Variants in AVEN observed in about 807,000 individuals in gnomAD.
AVEN encodes the protein apoptosis and caspase activation inhibitor, also known as cell death regulator Aven.
In AVEN, 41 loss-of-function variants were observed where a neutral mutation model predicts 38.1. That is an observed-to-expected ratio of 1.08 (90% CI 0.84 to 1.40). The LOEUF (loss-of-function observed/expected upper bound fraction) is 1.40. Among genes scored for constraint, AVEN ranks in the 40% most tolerant of loss-of-function variants. AVEN has a pLI of 0.00. For missense variants in AVEN, 605 were observed against 438.8 expected (o/e 1.38, Z -3.38); for synonymous variants, 206 against 171.8 (o/e 1.20, Z -1.56).
At chr15:33,888,949 C>A (rs1470665703) in intron 2 of AVEN, among the ~76,000 whole-genome samples, 1 of 152,058 alleles carries the variant, frequency 6.6e-6, no homozygotes, top group East Asian at 1.9e-4. Flanking sequence ...ATTTCTTGAC[C>A]TCGTGATCCA....
chr15:34,062,653 A>T, intron 5 of AVEN: 2 of 1,486,082 alleles, frequency 1.3e-6, no homozygotes, highest in Non-Finnish European at 1.8e-6. Flanking sequence ...ATGCTGGCCA[A>T]GAAGAGCTGA....
At chr15:33,877,873 C>T (rs937461049) in intron 2 of AVEN, among the ~76,000 whole-genome samples, 1 of 152,088 alleles carries the variant, frequency 6.6e-6, no homozygotes, top group African/African-American at 2.4e-5. Flanking sequence ...TGCTTAAACC[C>T]GGGAGGCGGA....
At chr15:34,018,738 G>C (rs565747865) in intron 1 of AVEN, among the ~76,000 whole-genome samples, 1 of 152,186 alleles carries the variant, frequency 6.6e-6, no homozygotes, top group Admixed American at 6.5e-5. Context: ...CCCTGCCCAC[G>C]TCCTACTGAT....
At chr15:33,873,541 T>C (rs1163627530) in intron 3 of AVEN, among the ~76,000 whole-genome samples, 2 of 148,166 alleles carry the variant, frequency 1.3e-5, no homozygotes, top group East Asian at 3.9e-4. Flanking sequence ...ATTATATATA[T>C]GCACTCAATA....
chr15:33,948,204 T>C (rs189292116), intron 2 of AVEN, among the ~76,000 whole-genome samples: 1 of 151,804 alleles, frequency 6.6e-6, no homozygotes, highest in East Asian at 1.9e-4. Flanking sequence ...TTCAAGCAAT[T>C]CTCTGCCTCG....
At chr15:34,038,272 T>A (rs1045625447) in intron 1 of AVEN, among the ~76,000 whole-genome samples, 1 of 152,152 alleles carries the variant, frequency 6.6e-6, no homozygotes, top group Non-Finnish European at 1.5e-5. Context: ...ATTCTTTCAC[T>A]CAACAAACTT....
chr15:33,938,318 G>A (rs1402063205), intron 2 of AVEN, among the ~76,000 whole-genome samples: 1 of 152,064 alleles, frequency 6.6e-6, no homozygotes, highest in African/African-American at 2.4e-5. Context: ...AGCCGGGCGT[G>A]GTGGTGGGCA....
intron 2 of AVEN, among the ~76,000 whole-genome samples, chr15:33,982,392 T>C (rs965942835): frequency 1.3e-5 from 2 of 152,074 alleles, no homozygotes; most frequent in Non-Finnish European, 2.9e-5. Flanking sequence ...CCAAATGCTA[T>C]GCTCTGCCAA....
At chr15:33,938,359 G>T (rs938081594) in intron 2 of AVEN, among the ~76,000 whole-genome samples, 1 of 152,238 alleles carries the variant, frequency 6.6e-6, no homozygotes, top group East Asian at 1.9e-4. Flanking sequence ...GGAGGCTGAG[G>T]CAGGAGAATG....
At chr15:34,073,738 C>A (rs1900678304) in intron 1 of AVEN, among the ~76,000 whole-genome samples, 1 of 150,952 alleles carries the variant, frequency 6.6e-6, no homozygotes, top group South Asian at 2.1e-4. Flanking sequence ...CCAGGCTGGT[C>A]TTGAACTCCT....
chr15:33,892,859 G>A (rs1258650797), intron 2 of AVEN, among the ~76,000 whole-genome samples: 2 of 152,214 alleles, frequency 1.3e-5, no homozygotes, highest in African/African-American at 4.8e-5. Context: ...CCGTGGGCAT[G>A]GAACGTTCCT....
intron 5 of AVEN, among the ~76,000 whole-genome samples, chr15:34,050,532 C>A (rs1899895134): frequency 6.6e-6 from 1 of 152,070 alleles, no homozygotes; most frequent in African/African-American, 2.4e-5. Context: ...AGGCTAAATG[C>A]CCCAATTAAA....
At chr15:33,892,430 C>T (rs148837473) in intron 2 of AVEN, among the ~76,000 whole-genome samples, 124,580 of 152,050 alleles carry the variant, frequency 0.82, 55,139 homozygotes, top group Non-Finnish European at 0.98. Flanking sequence ...GATCCAGTTT[C>T]AGCTTTCTAC....
chr15:34,003,042 AAGG>A lies in AVEN; in HGVS notation c.432_434del (p.Leu145del). On this transcript the variant is annotated inframe_deletion, in exon 2 of 6. Coordinates refer to ENST00000306730, the MANE Select transcript of AVEN (RefSeq NM_020371.3). The stretch of plus-strand genomic sequence containing the variant: ...AACTGGAATTCATACCTGCAGAGCT[AAGG>A]AGGACACTGAAATCTGTTCCCCTCT... 6.2e-7 allele frequency: 1 copy of A among 1,613,638 alleles called. No individual in the cohort carries two copies. The highest frequency in any genetic ancestry group is 8.5e-7 in the Non-Finnish European group (1 of 1,179,740).
At chr15:33,955,480 C>T (rs1010092293) in intron 2 of AVEN, among the ~76,000 whole-genome samples, 3 of 152,154 alleles carry the variant, frequency 2.0e-5, no homozygotes, top group Non-Finnish European at 4.4e-5. Flanking sequence ...ATGTACCACA[C>T]AGAATTATAA....
chr15:34,031,635 AT>A (rs200508300), intron 1 of AVEN, among the ~76,000 whole-genome samples: 3 of 151,276 alleles, frequency 2.0e-5, no homozygotes, highest in Non-Finnish European at 4.4e-5. Context: ...TTAATCTCCT[AT>A]TTTTTTTTGG....
intron 4 of AVEN, chr15:34,065,885 T>C (rs543624): frequency 0.47 from 72,052 of 151,946 alleles, 20,632 homozygotes; most frequent in Non-Finnish European, 0.65. Context: ...TTCATGCGTC[T>C]TAGTGTAGGC....
chr15:34,023,039 T>C (rs926241974), intron 1 of AVEN, among the ~76,000 whole-genome samples: 1 of 152,136 alleles, frequency 6.6e-6, no homozygotes, highest in Admixed American at 6.5e-5. Context: ...ACACAAAAAT[T>C]AGCCTGGCGT....
chr15:33,853,716 G>T, the AVEN span: 1 of 1,601,626 alleles, frequency 6.2e-7, no homozygotes, highest in South Asian at 1.1e-5. Flanking sequence ...ATCCAAAGCA[G>T]CTAAAATAGA....
Sources: gnomAD v4.1 joint callset for allele counts (sites outside exome capture counted in the v4.1 genomes callset) on GRCh38, gnomAD v4.1.1 for gene constraint, MANE v1.5 for transcripts, NCBI Gene and HGNC (gene_info 2026-07-23, HGNC 2026-07-21) for gene names.